Variants in ANKRD17 observed in about 807,000 individuals in gnomAD.
The protein encoded by ANKRD17 is ankyrin repeat domain 17, also known as ankyrin repeat domain-containing protein 17.
ANKRD17 carries 19 observed loss-of-function variants against 229.7 expected under a neutral mutation model. That is an observed-to-expected ratio of 0.08 (90% CI 0.06 to 0.12). ANKRD17 has a LOEUF of 0.12. ANKRD17 is among the 10% of genes least tolerant of loss of function. The pLI, the probability that ANKRD17 is intolerant of heterozygous loss-of-function variation, is 1.00. For missense variants in ANKRD17, 2,176 were observed against 3,176.8 expected, an observed-to-expected ratio of 0.68 and a Z score of 7.57; for synonymous variants, 1,112 against 1,146.1, an observed-to-expected ratio of 0.97 and a Z score of 0.60.
chr4:73,170,007 C>G (rs1733769786), intron 2 of ANKRD17, among the ~76,000 whole-genome samples: 1 of 152,174 alleles, frequency 6.6e-6, no homozygotes, highest in Non-Finnish European at 1.5e-5. Context: ...AGTCACAGGA[C>G]TGCAATTCCT....
At chr4:73,113,329 AAG>A in intron 24 of ANKRD17, 1 of 1,289,420 alleles carries the variant, frequency 7.8e-7, no homozygotes, top group Non-Finnish European at 1.0e-6. Flanking sequence ...AGAAAAGTAC[AAG>A]AGAAGTCACC....
At chr4:73,116,329 T>C (rs1319013840) in intron 22 of ANKRD17, among the ~76,000 whole-genome samples, 1 of 152,178 alleles carries the variant, frequency 6.6e-6, no homozygotes, top group Admixed American at 6.5e-5. Context: ...TTTTCATTCC[T>C]TCAGATAAAA....
intron 1 of ANKRD17, among the ~76,000 whole-genome samples, chr4:73,214,563 G>A (rs140237413): frequency 6.6e-6 from 1 of 151,570 alleles, no homozygotes; most frequent in African/African-American, 2.4e-5. Context: ...TCTTAACATC[G>A]ATCAAGGCCA....
At chr4:73,115,048 A>G (rs1464019867) in intron 23 of ANKRD17, among the ~76,000 whole-genome samples, 1 of 152,200 alleles carries the variant, frequency 6.6e-6, no homozygotes, top group Non-Finnish European at 1.5e-5. Context: ...TCTAAAACTT[A>G]GTTAAAACTA....
chr4:73,181,990 G>C (rs1172885689), intron 1 of ANKRD17, among the ~76,000 whole-genome samples: 1 of 127,522 alleles, frequency 7.8e-6, no homozygotes, highest in East Asian at 2.7e-4. Flanking sequence ...GAAGGTTGCA[G>C]TGAGCCGAGA....
chr4:73,257,340 C>A (rs1385159195), intron 1 of ANKRD17, among the ~76,000 whole-genome samples: 2 of 152,154 alleles, frequency 1.3e-5, no homozygotes, highest in Non-Finnish European at 2.9e-5. Context: ...TAAGGTCCTG[C>A]AACGCCGCCT....
chr4:73,104,863 G>A (rs935601324), intron 24 of ANKRD17, among the ~76,000 whole-genome samples: 12 of 152,136 alleles, frequency 7.9e-5, no homozygotes, highest in Non-Finnish European at 1.8e-4. Flanking sequence ...GGGGTGGTAG[G>A]TTTGGGTAGG....
rs1038295993 is a variant in ANKRD17, at chr4:73,161,329, C to T, written c.567G>A (p.Thr189=). Residue 189 remains threonine (T), a synonymous_variant, in exon 3 of 34, where the codon ACG becomes ACA. Transcript: ENST00000358602. ...LEAAGIGKLS[T]ADGKAFADPE... is the part of the protein sequence containing the mutation. ...GATCTGCAAAGGCTTTACCATCAGC[C>T]GTGGACAATTTTCCTATTCCTATTA... The T allele has an allele frequency of 4.3e-6, 7 of 1,614,130 alleles. No individual in the cohort carries two copies. The highest frequency in any genetic ancestry group is 1.1e-5 in the South Asian group (1 of 91,078).
chr4:73,173,274 C>T (rs928939470), intron 2 of ANKRD17, among the ~76,000 whole-genome samples: 1 of 152,038 alleles, frequency 6.6e-6, no homozygotes, highest in Admixed American at 6.5e-5. Flanking sequence ...TACATATGCA[C>T]CTAACACTGG....
At chr4:73,171,254 G>A (rs1290255592) in intron 2 of ANKRD17, among the ~76,000 whole-genome samples, 2 of 147,132 alleles carry the variant, frequency 1.4e-5, no homozygotes, top group Non-Finnish European at 3.0e-5. Context: ...AGAAAGAAAA[G>A]AGAAGAAGAG....
In ANKRD17 at chr4:73,097,221, T is replaced by C. The variant is rs778594048; in HGVS notation, c.5073A>G (p.Thr1691=). Residue 1691 remains threonine (T), a synonymous_variant, in exon 27 of 34, where the codon ACA becomes ACG. Coordinates refer to ENST00000358602, the MANE Select transcript of ANKRD17 (RefSeq NM_032217.5). ...EGTSNSLSTC[T]KSGPSPLSSP... is the part of the protein sequence containing the mutation. ...AAGAAAGGGGAGATGGACCAGATTT[T>C]GTACAAGTAGATAGAGAATTACTGG... is the stretch of plus-strand genomic sequence containing the variant. 6.2e-7 allele frequency: 1 copy of C among 1,609,756 alleles called. No homozygotes were observed. Among genetic ancestry groups the C allele is most frequent in the Admixed American group, 1.7e-5 (1 of 59,254 alleles).
intron 1 of ANKRD17, among the ~76,000 whole-genome samples, chr4:73,207,694 C>T (rs1467689801): frequency 6.6e-6 from 1 of 152,010 alleles, no homozygotes. Flanking sequence ...TATTTTGAAA[C>T]AATAAAAGGA....
intron 21 of ANKRD17, among the ~76,000 whole-genome samples, chr4:73,119,637 AC>A (rs1726444440): frequency 6.6e-6 from 1 of 152,350 alleles, no homozygotes; most frequent in African/African-American, 2.4e-5. Context: ...TGCTTAGAAT[AC>A]CATGCAAAGG....
chr4:73,186,479 T>C (rs1265056428), intron 1 of ANKRD17, among the ~76,000 whole-genome samples: 1 of 152,114 alleles, frequency 6.6e-6, no homozygotes, highest in Non-Finnish European at 1.5e-5. Context: ...ATTTACAGAA[T>C]AAACCACTGA....
intron 1 of ANKRD17, among the ~76,000 whole-genome samples, chr4:73,183,348 G>C (rs1223326032): frequency 6.6e-6 from 1 of 152,156 alleles, no homozygotes; most frequent in Non-Finnish European, 1.5e-5. Flanking sequence ...AAGTATGAAG[G>C]AATAGTGTCG....
chr4:73,177,474 G>A lies in ANKRD17; in HGVS notation c.453C>T (p.Ser151=). 6.2e-7 allele frequency: 1 copy of A among 1,613,660 alleles called. No homozygotes were observed. Among genetic ancestry groups the A allele is most frequent in the South Asian group, 1.1e-5 (1 of 91,044 alleles). The change falls in exon 2 of 34, where the codon TCC becomes TCT. Residue 151 remains serine (S), a synonymous_variant. Transcript: ENST00000358602. ...CAGCAGTACCTGATAAGAGCAACTT[G>A]GAAGCTGTTTCCAGCATTGGATTTT... ...DLENPMLETA[S]KLLLSGTADG...
intron 1 of ANKRD17, among the ~76,000 whole-genome samples, chr4:73,229,027 G>C (rs959890871): frequency 1.3e-5 from 2 of 152,046 alleles, no homozygotes; most frequent in Admixed American, 6.5e-5. Flanking sequence ...GCAAACTATC[G>C]CAAGAACAAA....
chr4:73,178,135 C>G lies in ANKRD17; in HGVS notation c.394-602G>C, dbSNP rs576888817. Among the ~76,000 whole-genome samples the G allele has an allele frequency of 2.4e-3, 358 of 152,244 alleles. 1 individual carries two copies. The highest frequency in any genetic ancestry group is 8.1e-3 in the African/African-American group (337 of 41,550). ...CAAAGCTTAACTTTATCATTGGCAA[C>G]AAGTATTGTTGTTTTCCTTAAAGTG... On this transcript the variant is annotated intron_variant, in intron 1 of 33. Coordinates refer to ENST00000358602, the MANE Select transcript of ANKRD17 (RefSeq NM_032217.5).
intron 24 of ANKRD17, among the ~76,000 whole-genome samples, chr4:73,104,751 AGGTGGGGGGGATTTGGG>A (rs1281563346): frequency 1.4e-5 from 2 of 146,148 alleles, no homozygotes; most frequent in African/African-American, 2.5e-5. Flanking sequence ...TTTAAGCGGG[AGGTGGGGGGGATTTGGG>A]GGTGGAGAAT....
Sources: gnomAD v4.1 joint callset for allele counts (sites outside exome capture counted in the v4.1 genomes callset) on GRCh38, gnomAD v4.1.1 for gene constraint, MANE v1.5 for transcripts, NCBI Gene and HGNC (gene_info 2026-07-23, HGNC 2026-07-21) for gene names.